Variants in HNRNPA2B1 observed in about 807,000 individuals in gnomAD.
HNRNPA2B1 encodes heterogeneous nuclear ribonucleoprotein A2/B1, also known as heterogeneous nuclear ribonucleoproteins A2/B1.
Under a neutral mutation model 46.3 loss-of-function variants are expected in HNRNPA2B1, and 3 were observed. The ratio of observed to expected loss-of-function variants is 0.06; its 90% CI spans 0.03 to 0.17. The LOEUF is 0.17. Ranked by LOEUF, HNRNPA2B1 falls within the 10% of genes least tolerant of loss-of-function variation. The pLI, the probability that HNRNPA2B1 is intolerant of heterozygous loss-of-function variation, is 1.00. For synonymous variants in HNRNPA2B1, 225 were observed against 133.8 expected (o/e 1.68, Z -4.70); for missense variants, 221 against 418.9 (o/e 0.53, Z 4.12).
In HNRNPA2B1 at chr7:26,200,073, A is replaced by G. The variant is rs547172614; in HGVS notation, c.6+499T>C. On this transcript the variant is annotated intron_variant, in intron 1 of 10. Coordinates refer to ENST00000618183, the MANE Select transcript of HNRNPA2B1 (RefSeq NM_002137.4). ...AACCACTTCTACTTCTTGATAGAGA[A>G]AGCACACTAAGAAAATAAAAGAGTT... The G allele has an allele frequency of 2.4e-4, 41 of 170,590 alleles. No individual in the cohort carries two copies. The South Asian group carries it at 4.5e-3, about 19-fold the overall frequency. The allele number at this position is 170,590 out of a possible 1,614,324, so 10.6% of individuals were successfully genotyped here. A position where few individuals can be genotyped will look rare whatever the true frequency, so the allele number is the denominator to read the frequency against.
At chr7:26,195,228 CTATT>C (rs559484024) in intron 7 of HNRNPA2B1, among the ~76,000 whole-genome samples, 2 of 150,996 alleles carry the variant, frequency 1.3e-5, no homozygotes, top group South Asian at 2.1e-4. Context: ...GTGAGATACA[CTATT>C]TAGTCATGCC....
intron 1 of HNRNPA2B1, chr7:26,197,986 G>A (rs1416470186): frequency 1.9e-6 from 1 of 534,830 alleles, no homozygotes; most frequent in African/African-American, 2.0e-5. Context: ...ATTAATGCTT[G>A]ATATAAATTT....
Position 26,192,178 on chromosome 7 carries a change from TTCACAAAATGGCTCTCTG to T in HNRNPA2B1, c.*164_*181del. ...TAATGTTATTAAATAATCCAATCCA[TTCACAAAATGGCTCTCTG>T]CATCTGCTCTGGTGTCTTCTGCCAT... On this transcript the variant is annotated 3_prime_UTR_variant, in exon 11 of 11. Coordinates refer to ENST00000618183, the MANE Select transcript of HNRNPA2B1 (RefSeq NM_002137.4). 4.6e-6 allele frequency: 1 copy of T among 215,086 alleles called. No homozygotes were observed. Among genetic ancestry groups the T allele is most frequent in the Non-Finnish European group, 9.3e-6 (1 of 106,996 alleles). 13.3% of individuals were successfully genotyped at this position (215,086 alleles called of 1,614,324 possible). A position where few individuals can be genotyped will look rare whatever the true frequency, so the allele number is the denominator to read the frequency against.
intron 1 of HNRNPA2B1, chr7:26,200,356 G>C (rs915688060): frequency 4.9e-6 from 3 of 618,456 alleles, no homozygotes; most frequent in East Asian, 2.7e-5. Context: ...CCCACCCCCA[G>C]TGAAGGGAAA....
Position 26,197,583 on chromosome 7 carries a change from A to C in HNRNPA2B1, c.117+39T>G, listed in dbSNP as rs762628427. ...CCATGATTCACTTAACATACAGCTA[A>C]AAGACTAATATCCAGTAACAATTCA... On this transcript the variant is annotated intron_variant, in intron 2 of 10. Transcript: ENST00000618183. 3.2e-6 allele frequency: 5 copies of C among 1,571,618 alleles called. No individual in the cohort carries two copies. In the East Asian group the frequency reaches 6.7e-5, roughly 21 times the overall value.
intron 1 of HNRNPA2B1, chr7:26,198,042 T>A: frequency 2.3e-6 from 1 of 439,786 alleles, no homozygotes; most frequent in Non-Finnish European, 4.0e-6. Flanking sequence ...AAAAAAACTT[T>A]CTAAGGAAAA....
intron 7 of HNRNPA2B1, among the ~76,000 whole-genome samples, chr7:26,195,068 G>A (rs536981377): frequency 7.0e-6 from 1 of 142,498 alleles, no homozygotes; most frequent in African/African-American, 2.6e-5. Context: ...ACTCCAGCCT[G>A]GGTGACAGAG....
At chr7:26,199,928 G>A (rs1050695864) in intron 1 of HNRNPA2B1, 8 of 152,106 alleles carry the variant, frequency 5.3e-5, no homozygotes, top group Admixed American at 5.2e-4. Context: ...CCATTTCATC[G>A]AGGGGAAGGC....
chr7:26,196,982 C>T lies in HNRNPA2B1; in HGVS notation c.300G>A (p.Lys100=), dbSNP rs759627147. The part of the protein sequence containing the change: ...SGKPGAHVTV[K]KLFVGGIKED... ...CTTTAATTCCGCCAACAAACAGCTT[C>T]TTCACAGTTACATGAGCCCCTGGTT... is the stretch of plus-strand genomic sequence containing the variant. Residue 100 remains lysine (K), a synonymous_variant, in exon 4 of 11, where the codon AAG becomes AAA. Transcript: ENST00000618183. 2 of 1,613,632 alleles carry T rather than the reference C, an allele frequency of 1.2e-6. No homozygotes were observed. The highest frequency in any genetic ancestry group is 3.3e-5 in the Admixed American group (2 of 60,028).
chr7:26,197,116 T>G (rs1783730161), intron 3 of HNRNPA2B1, 99 bp from the exon 4 acceptor site: 1 of 1,112,648 alleles, frequency 9.0e-7, no homozygotes, highest in Non-Finnish European at 1.3e-6. Context: ...GTATCCACCT[T>G]AAAACTACCA....
Position 26,196,982 on chromosome 7 carries a change from C to A in HNRNPA2B1, c.300G>T (p.Lys100Asn), listed in dbSNP as rs759627147. 1 of 1,613,632 alleles carries A rather than the reference C, an allele frequency of 6.2e-7. No individual in the cohort carries two copies. Among genetic ancestry groups the A allele is most frequent in the South Asian group, 1.1e-5 (1 of 91,084 alleles). Residue 100 changes from lysine (K) to asparagine (N), a missense_variant, in exon 4 of 11, where the codon AAG becomes AAT. Around this residue, in one of 2 missense-constraint regions of HNRNPA2B1, gnomAD observed 78 missense variants for 218.5 expected, o/e 0.36. Transcript: ENST00000618183. ...CTTTAATTCCGCCAACAAACAGCTT[C>A]TTCACAGTTACATGAGCCCCTGGTT... ...SGKPGAHVTV[K>N]KLFVGGIKED...
At chr7:26,192,908 A>G (rs1017519986) in intron 9 of HNRNPA2B1, among the ~76,000 whole-genome samples, 1 of 152,190 alleles carries the variant, frequency 6.6e-6, no homozygotes, top group African/African-American at 2.4e-5. Context: ...AAGCTAAGCA[A>G]TGGTTTGAAT....
chr7:26,197,761 T>A, intron 1 of HNRNPA2B1, 29 bp from the exon 2 acceptor site: 1 of 1,599,526 alleles, frequency 6.3e-7, no homozygotes, highest in Non-Finnish European at 8.6e-7. Context: ...TTTCAATTTT[T>A]ATTTACATTT....
chr7:26,195,589 G>T, intron 7 of HNRNPA2B1: 1 of 471,914 alleles, frequency 2.1e-6, no homozygotes, highest in Non-Finnish European at 3.8e-6. Flanking sequence ...GATATATCTA[G>T]ATCCAATCAT....
intron 1 of HNRNPA2B1, chr7:26,199,754 AG>A (rs1389765444): frequency 6.6e-6 from 1 of 152,174 alleles, no homozygotes; most frequent in East Asian, 1.9e-4. Flanking sequence ...CGTTACTCAA[AG>A]GAAAAAAAAG....
intron 1 of HNRNPA2B1, chr7:26,199,925 A>G (rs935269981): frequency 6.6e-6 from 1 of 152,088 alleles, no homozygotes; most frequent in African/African-American, 2.4e-5. Flanking sequence ...GCGCCATTTC[A>G]TCGAGGGGAA....
At chr7:26,198,723 G>A (rs1783976909) in intron 1 of HNRNPA2B1, 1 of 152,178 alleles carries the variant, frequency 6.6e-6, no homozygotes, top group Non-Finnish European at 1.5e-5. Flanking sequence ...AGTTAACTAG[G>A]TTAAAAAACC....
Position 26,198,132 on chromosome 7 carries a change from G to A in HNRNPA2B1, c.7-400C>T, listed in dbSNP as rs1783871837. On this transcript the variant is annotated intron_variant, in intron 1 of 10. Transcript: ENST00000618183. ...AATTTCAACCCTACAACCTAAAAACGCAAATTTCTATTTTTAAACATCAGA... is the reference window on the plus strand; with the variant it reads ...AATTTCAACCCTACAACCTAAAAACACAAATTTCTATTTTTAAACATCAGA... 1.9e-5 allele frequency: 6 copies of A among 320,768 alleles called. No homozygotes were observed. The South Asian group carries it at 6.8e-4, about 37-fold the overall frequency. The allele number at this position is 320,768 out of a possible 1,614,324, so 19.9% of individuals were successfully genotyped here. A position where few individuals can be genotyped will look rare whatever the true frequency, so the allele number is the denominator to read the frequency against.
At chr7:26,197,189 A>G (rs1192016829) in intron 3 of HNRNPA2B1, 126 bp downstream of exon 3, 1 of 1,269,692 alleles carries the variant, frequency 7.9e-7, no homozygotes, top group Non-Finnish European at 1.1e-6. Context: ...AAAATGGTCC[A>G]GAAACCCAAC....
Sources: gnomAD v4.1 joint callset for allele counts (sites outside exome capture counted in the v4.1 genomes callset) on GRCh38, gnomAD v4.1.1 for gene constraint, gnomAD v4.1.1 regional missense constraint, MANE v1.5 for transcripts, NCBI Gene and HGNC (gene_info 2026-07-23, HGNC 2026-07-21) for gene names.